Variants in CDKAL1 observed in about 807,000 individuals in gnomAD.
CDKAL1 encodes the protein threonylcarbamoyladenosine tRNA methylthiotransferase.
In CDKAL1, 32 loss-of-function variants were observed where a neutral mutation model predicts 68.2. The ratio of observed to expected loss-of-function variants is 0.47; its 90% CI spans 0.35 to 0.63. CDKAL1 has a LOEUF of 0.63. Among genes scored for constraint, CDKAL1 ranks in the 30% least tolerant of loss-of-function variants. The pLI, the probability that CDKAL1 is intolerant of heterozygous loss-of-function variation, is 0.00. For missense variants in CDKAL1, 606 were observed against 696.7 expected (o/e 0.87, Z 1.47); for synonymous variants, 234 against 244.3 (o/e 0.96, Z 0.39).
intron 12 of CDKAL1, among the ~76,000 whole-genome samples, chr6:21,080,009 T>TGTGTGTGTGTG (rs1375751747): frequency 2.6e-5 from 4 of 151,300 alleles, no homozygotes; most frequent in Non-Finnish European, 5.9e-5. Flanking sequence ...TGTGTGTGTG[T>TGTGTGTGTGTG]TTGAACCATG....
chr6:20,715,680 C>T (rs1192508697), intron 5 of CDKAL1, among the ~76,000 whole-genome samples: 1 of 152,162 alleles, frequency 6.6e-6, no homozygotes, highest in African/African-American at 2.4e-5. Flanking sequence ...TCCAACAGTG[C>T]ACAAGGGTTC....
rs546333532 is a variant in CDKAL1, at chr6:20,632,506, A to C, written c.287-16787A>C. Among the ~76,000 whole-genome samples, 13 of 152,342 alleles carry C rather than the reference A, an allele frequency of 8.5e-5. No homozygotes were observed. In the South Asian group the frequency reaches 2.7e-3, roughly 32 times the overall value. On this transcript the variant is annotated intron_variant, in intron 4 of 15. Coordinates refer to ENST00000274695, the MANE Select transcript of CDKAL1 (RefSeq NM_017774.3). Reference sequence around the variant, plus strand: ...TTGCTATCCATGTTTCTGTTAGAACAAGAAGATCCCTTCCAAGAAATACCA... The same window carrying C: ...TTGCTATCCATGTTTCTGTTAGAACCAGAAGATCCCTTCCAAGAAATACCA...
chr6:20,908,754 T>C (rs1762338264), intron 9 of CDKAL1, among the ~76,000 whole-genome samples: 1 of 152,220 alleles, frequency 6.6e-6, no homozygotes, highest in South Asian at 2.1e-4. Flanking sequence ...CATTACATAT[T>C]AAATCAAATT....
chr6:20,867,325 G>GGGTCTCC (rs1177851881), intron 9 of CDKAL1, among the ~76,000 whole-genome samples: 2 of 152,302 alleles, frequency 1.3e-5, no homozygotes, highest in East Asian at 3.9e-4. Flanking sequence ...GAGATTTATA[G>GGGTCTCC]ACAATAAGGA....
At chr6:20,586,978 GTTTTTTTTTTTT>G (rs750210435) in intron 4 of CDKAL1, among the ~76,000 whole-genome samples, 30 of 44,460 alleles carry the variant, frequency 6.7e-4, no homozygotes, top group South Asian at 4.8e-3. Flanking sequence ...TCCTCCAGGT[GTTTTTTTTTTTT>G]TTTTTTTTTT....
chr6:20,830,815 T>G (rs989032863), intron 8 of CDKAL1, among the ~76,000 whole-genome samples: 2 of 152,348 alleles, frequency 1.3e-5, no homozygotes, highest in South Asian at 4.1e-4. Flanking sequence ...AAACCGCATT[T>G]CAGAAAATGT....
At chr6:20,698,259 C>T (rs755238859) in intron 5 of CDKAL1, among the ~76,000 whole-genome samples, 1 of 152,160 alleles carries the variant, frequency 6.6e-6, no homozygotes, top group Non-Finnish European at 1.5e-5. Context: ...GAATAATCTT[C>T]AACTTACAGA....
chr6:21,140,632 C>A (rs541892869), intron 13 of CDKAL1, among the ~76,000 whole-genome samples: 10 of 152,218 alleles, frequency 6.6e-5, no homozygotes, highest in African/African-American at 2.4e-4. Flanking sequence ...ACTGGCATTA[C>A]GCTCCCAGGG....
intron 10 of CDKAL1, among the ~76,000 whole-genome samples, chr6:20,956,351 C>A (rs777214765): frequency 2.7e-4 from 41 of 151,944 alleles, no homozygotes; most frequent in Non-Finnish European, 5.3e-4. Context: ...AACTGTGGTA[C>A]CTGAAGGCAA....
intron 9 of CDKAL1, among the ~76,000 whole-genome samples, chr6:20,858,029 G>C (rs4712558): frequency 0.58 from 88,243 of 151,932 alleles, 26,437 homozygotes; most frequent in Non-Finnish European, 0.66. Context: ...TGGCTAATTT[G>C]TATATTTTTA....
chr6:21,156,914 AAGG>A (rs1233670406), intron 13 of CDKAL1, among the ~76,000 whole-genome samples: 2 of 152,206 alleles, frequency 1.3e-5, no homozygotes, highest in Non-Finnish European at 2.9e-5. Context: ...AAACTTTGCC[AAGG>A]AGAAGGGTCT....
chr6:21,115,759 A>G (rs539437696), intron 13 of CDKAL1, among the ~76,000 whole-genome samples: 12 of 152,346 alleles, frequency 7.9e-5, no homozygotes, highest in East Asian at 7.7e-4. Flanking sequence ...CAGTACCTCA[A>G]TAAGTGTTAA....
intron 12 of CDKAL1, among the ~76,000 whole-genome samples, chr6:21,095,923 G>A (rs1156364984): frequency 2.0e-5 from 3 of 152,142 alleles, no homozygotes; most frequent in African/African-American, 7.2e-5. Context: ...AAAAAGCCCA[G>A]CCACCCCTGA....
intron 8 of CDKAL1, among the ~76,000 whole-genome samples, chr6:20,790,478 T>C (rs546583972): frequency 6.6e-6 from 1 of 152,244 alleles, no homozygotes; most frequent in South Asian, 2.1e-4. Context: ...GAAAGGTAGC[T>C]TGAGAATGCT....
At chr6:21,022,724 T>C (rs1268620480) in intron 11 of CDKAL1, among the ~76,000 whole-genome samples, 1 of 152,174 alleles carries the variant, frequency 6.6e-6, no homozygotes, top group Non-Finnish European at 1.5e-5. Flanking sequence ...CTTCAGTCTC[T>C]TCATCCCTGT....
chr6:20,689,778 T>G (rs77557089), intron 5 of CDKAL1, among the ~76,000 whole-genome samples: 3,276 of 152,282 alleles, frequency 0.022, 42 homozygotes, highest in Non-Finnish European at 0.032. Flanking sequence ...ACCAAAAAAA[T>G]AGAGAGGTAT....
intron 4 of CDKAL1, among the ~76,000 whole-genome samples, chr6:20,616,839 C>CCACACACACACACACACACACACA (rs756883799): frequency 1.6e-4 from 20 of 121,394 alleles, no homozygotes; most frequent in African/African-American, 5.8e-4. Context: ...CCCGACTCTA[C>CCACACACACACACACACACACACA]CACACACACA....
intron 9 of CDKAL1, among the ~76,000 whole-genome samples, chr6:20,952,110 C>T (rs1764561434): frequency 6.6e-6 from 1 of 152,020 alleles, no homozygotes. Context: ...AGGCGCCCGC[C>T]ACCATGCCCG....
chr6:21,191,670 CAG>C (rs776176364), intron 13 of CDKAL1, among the ~76,000 whole-genome samples: 25 of 151,766 alleles, frequency 1.6e-4, no homozygotes, highest in Non-Finnish European at 3.5e-4. Context: ...CCTGTGAAAT[CAG>C]AGAGATTGCT....
Sources: gnomAD v4.1 joint callset for allele counts (sites outside exome capture counted in the v4.1 genomes callset) on GRCh38, gnomAD v4.1.1 for gene constraint, MANE v1.5 for transcripts, NCBI Gene and HGNC (gene_info 2026-07-23, HGNC 2026-07-21) for gene names.